Variants in AOAH observed in about 807,000 individuals in gnomAD.
AOAH encodes the protein acyloxyacyl hydrolase.
Under a neutral mutation model 92.2 loss-of-function variants are expected in AOAH, and 64 were observed. That is an observed-to-expected ratio of 0.69 (90% CI 0.57 to 0.86). AOAH has a LOEUF of 0.86. Among genes scored for constraint, AOAH ranks in the 40% least tolerant of loss-of-function variants. The pLI is 0.00. For missense variants in AOAH, 656 were observed against 694.6 expected (o/e 0.94, Z 0.62); for synonymous variants, 263 against 254.5 (o/e 1.03, Z -0.32).
Position 36,659,151 on chromosome 7 carries a change from T to G in AOAH, c.390+15A>C. On this transcript the variant is annotated intron_variant, in intron 4 of 20. Coordinates refer to ENST00000617537, the MANE Select transcript of AOAH (RefSeq NM_001637.4). ...TGTCCCTGGAAACAGATGTTCAGAG[T>G]GATTACACACTCACCTTGGGAAGAG... is the stretch of plus-strand genomic sequence containing the variant. 6.3e-7 allele frequency: 1 copy of G among 1,597,898 alleles called. No individual in the cohort carries two copies. The highest frequency in any genetic ancestry group is 8.6e-7 in the Non-Finnish European group (1 of 1,165,266).
chr7:36,557,317 C>T (rs996325302), intron 13 of AOAH, among the ~76,000 whole-genome samples: 9 of 152,250 alleles, frequency 5.9e-5, no homozygotes, highest in Admixed American at 2.0e-4. Context: ...TTGGCCCCCA[C>T]TCTCCTCTGG....
chr7:36,687,738 T>G (rs1797128909), intron 1 of AOAH, among the ~76,000 whole-genome samples: 1 of 152,126 alleles, frequency 6.6e-6, no homozygotes, highest in Non-Finnish European at 1.5e-5. Context: ...GGGCCAGCAG[T>G]AGGCTCTTGA....
intron 2 of AOAH, 102 bp from the exon 3 acceptor site, chr7:36,674,111 A>C: frequency 1.5e-6 from 1 of 660,534 alleles, no homozygotes; most frequent in Non-Finnish European, 2.6e-6. Context: ...TGAGTGATTA[A>C]TTTATGATTA....
At chr7:36,554,763 A>C (rs1786564937) in intron 13 of AOAH, among the ~76,000 whole-genome samples, 1 of 150,560 alleles carries the variant, frequency 6.6e-6, no homozygotes, top group Admixed American at 6.6e-5. Context: ...ATGGGAGTTC[A>C]CTCATGATTT....
intron 20 of AOAH, among the ~76,000 whole-genome samples, chr7:36,515,733 ACACACAC>A (rs1171705472): frequency 1.8e-5 from 2 of 113,040 alleles, no homozygotes; most frequent in African/African-American, 3.5e-5. Context: ...CCAACACCAC[ACACACAC>A]CACACACCAC....
intron 16 of AOAH, among the ~76,000 whole-genome samples, chr7:36,534,944 GTCTGTGTGTGTATC>G (rs1784920559): frequency 3.2e-5 from 1 of 31,490 alleles, no homozygotes; most frequent in East Asian, 9.5e-4. Context: ...GTGTTTCTGT[GTCTGTGTGTGTATC>G]TGTGTCTGTG....
At chr7:36,667,051 G>A (rs11766967) in intron 3 of AOAH, among the ~76,000 whole-genome samples, 27,444 of 152,160 alleles carry the variant, frequency 0.18, 2,863 homozygotes, top group Non-Finnish European at 0.24. Flanking sequence ...GGATAAAACA[G>A]TCCTTAAATG....
chr7:36,723,274 C>G (rs1799765475), intron 1 of AOAH, among the ~76,000 whole-genome samples: 1 of 152,114 alleles, frequency 6.6e-6, no homozygotes, highest in Non-Finnish European at 1.5e-5. Context: ...TATGAGAATT[C>G]CCATGTTATG....
chr7:36,606,207 C>T (rs904101135), intron 11 of AOAH, among the ~76,000 whole-genome samples: 4 of 152,112 alleles, frequency 2.6e-5, no homozygotes, highest in Admixed American at 1.3e-4. Context: ...ATCCAGACAG[C>T]GGGAAGCAGG....
At chr7:36,594,546 C>G in intron 11 of AOAH, 116 bp from the exon 12 acceptor site, 1 of 883,890 alleles carries the variant, frequency 1.1e-6, no homozygotes, top group Non-Finnish European at 1.8e-6. Context: ...CTCTCAATCT[C>G]TCGCTTTAAG....
chr7:36,513,917 T>C (rs1212486709), intron 20 of AOAH, among the ~76,000 whole-genome samples: 1 of 152,244 alleles, frequency 6.6e-6, no homozygotes, highest in Non-Finnish European at 1.5e-5. Flanking sequence ...GTTAAGCTGC[T>C]AAGTGTATGG....
chr7:36,638,842 C>T (rs901648654), intron 4 of AOAH, among the ~76,000 whole-genome samples: 11 of 152,220 alleles, frequency 7.2e-5, no homozygotes, highest in Non-Finnish European at 1.0e-4. Flanking sequence ...TGCCCTGCTA[C>T]GGTGTATGTT....
Position 36,549,426 on chromosome 7 carries a change from A to G in AOAH, c.1058+13T>C. 6.3e-7 allele frequency: 1 copy of G among 1,586,558 alleles called. No individual in the cohort carries two copies. Among genetic ancestry groups the G allele is most frequent in the Non-Finnish European group, 8.6e-7 (1 of 1,160,018 alleles). ...GAAACCAAATTAAAAACAACTTCTTATCTTCTGCTTACCTTTCTATAAATT... is the reference window on the plus strand; with the variant it reads ...GAAACCAAATTAAAAACAACTTCTTGTCTTCTGCTTACCTTTCTATAAATT... On this transcript the variant is annotated intron_variant, in intron 14 of 20. Coordinates refer to ENST00000617537, the MANE Select transcript of AOAH (RefSeq NM_001637.4).
At chr7:36,708,181 G>A (rs1481760760) in intron 1 of AOAH, among the ~76,000 whole-genome samples, 1 of 151,390 alleles carries the variant, frequency 6.6e-6, no homozygotes, top group Non-Finnish European at 1.5e-5. Flanking sequence ...TATAAATGTT[G>A]AGATACTGGA....
intron 8 of AOAH, 72 bp from the exon 9 acceptor site, chr7:36,620,901 A>G: frequency 1.7e-6 from 2 of 1,173,292 alleles, no homozygotes; most frequent in Non-Finnish European, 2.4e-6. Flanking sequence ...TCATGCATGA[A>G]TGAATGAATG....
Position 36,522,116 on chromosome 7 carries a change from C to T in AOAH, c.1523-1G>A. The T allele has an allele frequency of 6.2e-7, 1 of 1,614,062 alleles. No individual in the cohort carries two copies. The highest frequency in any genetic ancestry group is 8.5e-7 in the Non-Finnish European group (1 of 1,179,918). On this transcript the variant is annotated splice_acceptor_variant, in intron 19 of 20. Coordinates refer to ENST00000617537, the MANE Select transcript of AOAH (RefSeq NM_001637.4). LOFTEE classifies it high-confidence loss of function. Reference sequence around the variant, plus strand: ...CCTCTCTTCTGCCACTCCTGTATGACTGCAGGGCACATAACGAGAGGGTTA... The same window carrying T: ...CCTCTCTTCTGCCACTCCTGTATGATTGCAGGGCACATAACGAGAGGGTTA...
chr7:36,594,116 A>T (rs1789930714), intron 12 of AOAH, among the ~76,000 whole-genome samples: 1 of 152,188 alleles, frequency 6.6e-6, no homozygotes, highest in Non-Finnish European at 1.5e-5. Flanking sequence ...TAAACTATGG[A>T]ACTCCACCCC....
chr7:36,694,948 A>AAC (rs1554319436), intron 1 of AOAH, among the ~76,000 whole-genome samples: 1 of 151,390 alleles, frequency 6.6e-6, no homozygotes, highest in Non-Finnish European at 1.5e-5. Flanking sequence ...GAGGGAGAGA[A>AAC]AGAGAGAGAG....
In AOAH at chr7:36,516,872, T is replaced by G. The variant is rs12531209; in HGVS notation, c.1600-3492A>C. Among the ~76,000 whole-genome samples the G allele has an allele frequency of 6.6e-6, 1 of 152,196 alleles. No individual in the cohort carries two copies. The highest frequency in any genetic ancestry group is 2.1e-4 in the South Asian group (1 of 4,824). ...AAATGAAAGAGCTCAGATATGAGCATTTGGTAACTGGTTTGAACGCAATTA... is the reference window on the plus strand; with the variant it reads ...AAATGAAAGAGCTCAGATATGAGCAGTTGGTAACTGGTTTGAACGCAATTA... On this transcript the variant is annotated intron_variant, in intron 20 of 20. Transcript: ENST00000617537. This position sits in a 1 kb window ranked among gnomAD's most constrained non-coding sequence, Gnocchi z 5.0.
Sources: gnomAD v4.1 joint callset for allele counts (sites outside exome capture counted in the v4.1 genomes callset) on GRCh38, gnomAD v4.1.1 for gene constraint, Gnocchi (gnomAD v3.1) non-coding constraint, MANE v1.5 for transcripts, NCBI Gene and HGNC (gene_info 2026-07-23, HGNC 2026-07-21) for gene names.